The following FHIT variants were observed in gnomAD, a reference collection of about 807,000 sequenced individuals.
The protein encoded by FHIT is bis(5'-adenosyl)-triphosphatase.
A neutral mutation model predicts 17.9 loss-of-function variants in FHIT; 19 were observed. The observed-to-expected ratio is 1.06, with a 90% CI of 0.74 to 1.56. The LOEUF is 1.56. Among genes scored for constraint, FHIT ranks in the 40% most tolerant of loss-of-function variants. FHIT has a pLI of 0.00. For missense variants in FHIT, 248 were observed against 189.2 expected (o/e 1.31, Z -1.82); for synonymous variants, 81 against 69.7 (o/e 1.16, Z -0.81).
At chr3:60,955,089 G>A (rs781788451) in intron 3 of FHIT, among the ~76,000 whole-genome samples, 1 of 151,986 alleles carries the variant, frequency 6.6e-6, no homozygotes, top group African/African-American at 2.4e-5. Flanking sequence ...CTAAGAAAAC[G>A]TTAAGTCAAA....
rs541550783 is a variant in FHIT, at chr3:60,759,447, C to A, written c.-18+62472G>T. Among the ~76,000 whole-genome samples, 5 of 152,184 alleles carry A rather than the reference C, an allele frequency of 3.3e-5. 1 individual carries two copies. In the South Asian group the frequency reaches 1.0e-3, roughly 32 times the overall value. On this transcript the variant is annotated intron_variant, in intron 4 of 9. Coordinates refer to ENST00000492590, the MANE Select transcript of FHIT (RefSeq NM_002012.4). ...AGGTCTAAGCTAGAGATAGAGATTT[C>A]GAAAACATCAGTATTTAACCTTGAC...
intron 5 of FHIT, among the ~76,000 whole-genome samples, chr3:60,373,911 C>G (rs1700438522): frequency 6.6e-6 from 1 of 152,100 alleles, no homozygotes; most frequent in African/African-American, 2.4e-5. Flanking sequence ...GCACTTGGTT[C>G]TGGTGGTTCA....
chr3:59,894,504 C>G (rs917809235), intron 8 of FHIT, among the ~76,000 whole-genome samples: 17 of 152,054 alleles, frequency 1.1e-4, no homozygotes, highest in African/African-American at 4.1e-4. Context: ...ATCAGGCTAT[C>G]TGTGTTTCAG....
intron 4 of FHIT, among the ~76,000 whole-genome samples, chr3:60,546,549 T>C (rs1289662536): frequency 6.6e-6 from 1 of 152,226 alleles, no homozygotes; most frequent in Non-Finnish European, 1.5e-5. Flanking sequence ...CCACTTACTC[T>C]ACTGATTGTA....
At chr3:59,796,329 A>C (rs1264610944) in intron 8 of FHIT, among the ~76,000 whole-genome samples, 1 of 151,962 alleles carries the variant, frequency 6.6e-6, no homozygotes, top group African/African-American at 2.4e-5. Context: ...CAGACCCTCT[A>C]TCTCTCCCTT....
intron 2 of FHIT, among the ~76,000 whole-genome samples, chr3:61,044,725 C>A (rs1559936140): frequency 6.6e-6 from 1 of 152,084 alleles, no homozygotes; most frequent in Non-Finnish European, 1.5e-5. Context: ...TTAAGGGCAG[C>A]CAGAGAGAAA....
intron 2 of FHIT, among the ~76,000 whole-genome samples, chr3:61,043,193 C>T (rs77283529): frequency 0.046 from 7,066 of 152,238 alleles, 192 homozygotes; most frequent in African/African-American, 0.054. Flanking sequence ...CAGGGAATTC[C>T]GTTTCCTAGC....
At chr3:60,649,903 A>T (rs1189233807) in intron 4 of FHIT, among the ~76,000 whole-genome samples, 2 of 152,214 alleles carry the variant, frequency 1.3e-5, no homozygotes, top group African/African-American at 4.8e-5. Context: ...GGGCCTAACA[A>T]CAAGGCTCTC....
Position 60,427,808 on chromosome 3 carries a change from C to T in FHIT, c.103+109052G>A, listed in dbSNP as rs116625187. Among the ~76,000 whole-genome samples, 871 of 152,214 alleles carry T rather than the reference C, an allele frequency of 5.7e-3. 2 individuals are homozygous for T. The highest frequency in any genetic ancestry group is 0.016 in the South Asian group (76 of 4,812). On this transcript the variant is annotated intron_variant, in intron 5 of 9. Coordinates refer to ENST00000492590, the MANE Select transcript of FHIT (RefSeq NM_002012.4). ...ATTCCATGTGGGCACTACCAAACTC[C>T]TCATTTGATATCTCCCAAATCTACC...
intron 4 of FHIT, among the ~76,000 whole-genome samples, chr3:60,558,092 T>C (rs2036804402): frequency 6.6e-6 from 1 of 152,088 alleles, no homozygotes; most frequent in South Asian, 2.1e-4. Context: ...AGAGTTGTGT[T>C]GGCATCACTT....
chr3:59,963,363 C>T (rs1483007169), intron 7 of FHIT, among the ~76,000 whole-genome samples: 7 of 152,048 alleles, frequency 4.6e-5, no homozygotes, highest in East Asian at 3.9e-4. Flanking sequence ...ACTCATGGCT[C>T]AAGTTCATTT....
At chr3:60,089,553 A>G (rs1703643574) in intron 5 of FHIT, among the ~76,000 whole-genome samples, 1 of 152,206 alleles carries the variant, frequency 6.6e-6, no homozygotes, top group African/African-American at 2.4e-5. Context: ...ATGAACCTAA[A>G]TAATAACACA....
chr3:60,029,583 C>A (rs946675225), intron 5 of FHIT, among the ~76,000 whole-genome samples: 10 of 152,172 alleles, frequency 6.6e-5, no homozygotes, highest in Non-Finnish European at 1.2e-4. Flanking sequence ...AGTCAAAGTT[C>A]TCTTTTGTTT....
At chr3:61,179,707 CAAAA>C (rs779180597) in intron 2 of FHIT, among the ~76,000 whole-genome samples, 4 of 28,992 alleles carry the variant, frequency 1.4e-4, no homozygotes, top group Non-Finnish European at 2.0e-4. Context: ...GACCCTATCT[CAAAA>C]AAAAAAAAAA....
chr3:60,835,320 C>T (rs192442744), intron 3 of FHIT, among the ~76,000 whole-genome samples: 6 of 152,204 alleles, frequency 3.9e-5, no homozygotes, highest in African/African-American at 1.2e-4. Flanking sequence ...TGGGAAGTAT[C>T]GGTATCTTTA....
chr3:60,134,941 G>A (rs1576176697), intron 5 of FHIT, among the ~76,000 whole-genome samples: 1 of 151,934 alleles, frequency 6.6e-6, no homozygotes. Flanking sequence ...CAATAAATAT[G>A]GAGTAGAGGA....
intron 3 of FHIT, among the ~76,000 whole-genome samples, chr3:60,999,424 C>T (rs1379726282): frequency 7.9e-5 from 12 of 151,162 alleles, no homozygotes; most frequent in Non-Finnish European, 1.5e-5. Context: ...AAATGCATAA[C>T]ATCCCAGCTT....
chr3:59,973,015 C>T (rs1470943013), intron 7 of FHIT, among the ~76,000 whole-genome samples: 1 of 152,098 alleles, frequency 6.6e-6, no homozygotes, highest in Non-Finnish European at 1.5e-5. Context: ...AATACCAACT[C>T]TTCCATGAAC....
rs115558886 is a variant in FHIT, at chr3:60,580,156, T to A, written c.-17-43177A>T. Among the ~76,000 whole-genome samples, 276 of 152,248 alleles carry A rather than the reference T, an allele frequency of 1.8e-3. 2 individuals are homozygous for A. Among genetic ancestry groups the A allele is most frequent in the African/African-American group, 6.4e-3 (265 of 41,566 alleles). ...CGTTCCAACTCTAAAATTTAAAATT[T>A]CAAGCAAAACCTATAGAAAGAGGCA... is the stretch of plus-strand genomic sequence containing the variant. On this transcript the variant is annotated intron_variant, in intron 4 of 9. Coordinates refer to ENST00000492590, the MANE Select transcript of FHIT (RefSeq NM_002012.4).
Sources: allele counts gnomAD v4.1 joint callset (sites outside exome capture counted in the v4.1 genomes callset), GRCh38; gene constraint gnomAD v4.1.1; transcripts MANE v1.5; gene names NCBI Gene and HGNC (gene_info 2026-07-23, HGNC 2026-07-21).